CARS1: variants seen among roughly 807,000 people sequenced by gnomAD.
CARS1 encodes cysteinyl-tRNA synthetase 1, also known as cysteine--tRNA ligase, cytoplasmic.
A neutral mutation model predicts 106.2 loss-of-function variants in CARS1; 48 were observed. That is an observed-to-expected ratio of 0.45 (90% CI 0.36 to 0.57). The LOEUF is 0.57. Ranked by LOEUF, CARS1 falls within the 20% of genes least tolerant of loss-of-function variation. CARS1 has a pLI of 0.00. For missense variants in CARS1, 968 were observed against 1,057.2 expected, an observed-to-expected ratio of 0.92 and a Z score of 1.17; for synonymous variants, 409 against 403.4, an observed-to-expected ratio of 1.01 and a Z score of -0.17.
At chr11:3,056,158 G>A (rs910493584) in intron 1 of CARS1, among the ~76,000 whole-genome samples, 6 of 152,184 alleles carry the variant, frequency 3.9e-5, no homozygotes, top group Admixed American at 6.5e-5. Flanking sequence ...CAGATTACTC[G>A]GGTTGTCATA....
At position 3,040,135 on chromosome 11, in the gene CARS1, C is replaced by G; in HGVS notation, c.456-204G>C. ...GACCTTTATAATGATCCACTTCCAC[C>G]TAATGAATAGTAAATATATTGCCTC... On this transcript the variant is annotated intron_variant, in intron 4 of 22. Transcript: ENST00000380525. This position sits in a 1 kb window ranked among gnomAD's most constrained non-coding sequence, Gnocchi z 5.8. 2.0e-6 allele frequency: 1 copy of G among 508,072 alleles called. No individual in the cohort carries two copies. The highest frequency in any genetic ancestry group is 3.4e-6 in the Non-Finnish European group (1 of 290,434). 31.5% of individuals were successfully genotyped at this position (508,072 alleles called of 1,614,324 possible). A position where few individuals can be genotyped will look rare whatever the true frequency, so the allele number is the denominator to read the frequency against.
intron 18 of CARS1, 36 bp downstream of exon 18, chr11:3,012,159 G>T (rs367814896): frequency 1.2e-5 from 19 of 1,569,304 alleles, no homozygotes; most frequent in Non-Finnish European, 1.6e-5. Context: ...AGTGAGGGGA[G>T]TGGCTCCCAC....
At position 3,020,846 on chromosome 11, in the gene CARS1, T is replaced by C. The variant is rs1428589862; in HGVS notation, c.1154-514A>G. ...CTGTGTACTACTGCAGGGAACCTGG[T>C]GGCAGTGCAGTGGTGAAGGGGACAT... is the stretch of plus-strand genomic sequence containing the variant. On this transcript the variant is annotated intron_variant, in intron 10 of 22. Coordinates refer to ENST00000380525, the MANE Select transcript of CARS1 (RefSeq NM_001014437.3). The surrounding 1 kb of genome is among the most constrained non-coding windows in gnomAD (Gnocchi z 4.6). Among the ~76,000 whole-genome samples the C allele has an allele frequency of 1.3e-5, 2 of 152,156 alleles. No homozygotes were observed. Among genetic ancestry groups the C allele is most frequent in the East Asian group, 1.9e-4 (1 of 5,188 alleles).
rs1439705524 is a variant in CARS1, at chr11:3,001,431, CA to C, written c.2362-184del. ...ACTCATCTGGCAGTGCTGGCTCCAG[CA>C]GCTAAGAATGGGAGAGGGGCGACCA... On this transcript the variant is annotated intron_variant, in intron 22 of 22. Transcript: ENST00000380525. 2.0e-5 allele frequency among the ~76,000 whole-genome samples: 3 copies of C among 152,164 alleles called. No individual in the cohort carries two copies. The East Asian group carries it at 5.8e-4, about 29-fold the overall frequency.
At chr11:3,007,042 G>C (rs1191535929) in intron 18 of CARS1, 83 bp from the exon 19 acceptor site, 1 of 1,100,054 alleles carries the variant, frequency 9.1e-7, no homozygotes, top group African/African-American at 1.5e-5. Context: ...GCTGGGGAAG[G>C]AGGGGCCGTG....
rs1853325097 is a variant in CARS1, at chr11:3,034,491, GATTA to G, written c.801+3555_801+3558del. Among the ~76,000 whole-genome samples, 3 of 152,072 alleles carry G rather than the reference GATTA, an allele frequency of 2.0e-5. No homozygotes were observed. The highest frequency in any genetic ancestry group is 7.2e-5 in the African/African-American group (3 of 41,394). On this transcript the variant is annotated intron_variant, in intron 7 of 22. Transcript: ENST00000380525. This position sits in a 1 kb window ranked among gnomAD's most constrained non-coding sequence, Gnocchi z 6.3. ...CCGCCTCAGCCTCCCAAAGTGCTAGGATTACAGGCGTGACCCACTGCGCCTGGCC... is the reference window on the plus strand; with the variant it reads ...CCGCCTCAGCCTCCCAAAGTGCTAGGCAGGCGTGACCCACTGCGCCTGGCC...
chr11:3,005,631 A>ATTTT (rs5789288), intron 19 of CARS1, among the ~76,000 whole-genome samples, 198 bp from the exon 20 acceptor site: 2 of 132,476 alleles, frequency 1.5e-5, no homozygotes, highest in Admixed American at 7.7e-5. Context: ...TGTGTGTGTG[A>ATTTT]TTTTTTTTTT....
At chr11:3,054,950 A>C (rs1856051467) in intron 1 of CARS1, 7 of 702,528 alleles carry the variant, frequency 1.0e-5, no homozygotes, top group Non-Finnish European at 1.8e-5. Flanking sequence ...TCTACCCCAG[A>C]AACCTCAGAA....
chr11:3,011,372 G>A (rs551185621), intron 18 of CARS1, among the ~76,000 whole-genome samples: 30 of 152,162 alleles, frequency 2.0e-4, no homozygotes, highest in African/African-American at 6.5e-4. Flanking sequence ...TTGGGAGGCC[G>A]AGGCGGGTGG....
In CARS1 at chr11:3,017,844, G is replaced by T. The variant is rs1198761803; in HGVS notation, c.1727+13C>A. ...GCATGCTCAAAAACCCCAAAGAAAT[G>T]GCACCACCTTACTTCTTATTCAGTT... is the stretch of plus-strand genomic sequence containing the variant. On this transcript the variant is annotated intron_variant, in intron 15 of 22. Transcript: ENST00000380525. This position sits in a 1 kb window ranked among gnomAD's most constrained non-coding sequence, Gnocchi z 4.9. 1 of 1,577,524 alleles carries T rather than the reference G, an allele frequency of 6.3e-7. No homozygotes were observed. The highest frequency in any genetic ancestry group is 8.7e-7 in the Non-Finnish European group (1 of 1,147,498).
chr11:3,034,623 T>G lies in CARS1; in HGVS notation c.801+3427A>C, dbSNP rs1171993755. ...CGGCTCACTGCAACCTCTGACTCCCTGGTTCAAGGGATTCTCCCACCTCAG... is the reference window on the plus strand; with the variant it reads ...CGGCTCACTGCAACCTCTGACTCCCGGGTTCAAGGGATTCTCCCACCTCAG... On this transcript the variant is annotated intron_variant, in intron 7 of 22. Transcript: ENST00000380525. The surrounding 1 kb of genome is among the most constrained non-coding windows in gnomAD (Gnocchi z 6.3). 6.6e-6 allele frequency among the ~76,000 whole-genome samples: 1 copy of G among 151,844 alleles called. No homozygotes were observed. The highest frequency in any genetic ancestry group is 1.5e-5 in the Non-Finnish European group (1 of 67,940).
intron 17 of CARS1, among the ~76,000 whole-genome samples, chr11:3,013,600 C>T (rs1850710776): frequency 6.6e-6 from 1 of 151,984 alleles, no homozygotes; most frequent in Non-Finnish European, 1.5e-5. Context: ...ACTGTAATCC[C>T]AGCACTTTGG....
At chr11:3,018,102 ATTTC>A (rs1851221532) in intron 14 of CARS1, 148 bp from the exon 15 acceptor site, 2 of 631,342 alleles carry the variant, frequency 3.2e-6, no homozygotes, top group Non-Finnish European at 5.5e-6. Context: ...AGGAAAAGAT[ATTTC>A]TTTGACAGAA....
chr11:3,056,437 A>C (rs903499969), intron 1 of CARS1, among the ~76,000 whole-genome samples: 2 of 151,938 alleles, frequency 1.3e-5, no homozygotes, highest in Admixed American at 6.6e-5. Flanking sequence ...CAGTGAGAGA[A>C]GAACCCACTG....
At position 3,030,519 on chromosome 11, in the gene CARS1, G is replaced by A. The variant is rs1425988733; in HGVS notation, c.802-1076C>T. The A allele has an allele frequency of 6.6e-6, 1 of 152,230 alleles. No individual in the cohort carries two copies. Among genetic ancestry groups the A allele is most frequent in the Non-Finnish European group, 1.5e-5 (1 of 68,054 alleles). 9.4% of individuals were successfully genotyped at this position (152,230 alleles called of 1,614,324 possible). A position where few individuals can be genotyped will look rare whatever the true frequency, so the allele number is the denominator to read the frequency against. On this transcript the variant is annotated intron_variant, in intron 7 of 22. Coordinates refer to ENST00000380525, the MANE Select transcript of CARS1 (RefSeq NM_001014437.3). This position sits in a 1 kb window ranked among gnomAD's most constrained non-coding sequence, Gnocchi z 5.7. ...GTCTGCTGCCCGAAAAGCAAACACT[G>A]GGCCTGCCCCAAGTACAGGGAAACG...
At position 3,022,036 on chromosome 11, in the gene CARS1, C is replaced by T. The variant is rs1393174626; in HGVS notation, c.1154-1704G>A. On this transcript the variant is annotated intron_variant, in intron 10 of 22. Transcript: ENST00000380525. This position sits in a 1 kb window ranked among gnomAD's most constrained non-coding sequence, Gnocchi z 4.9. ...ACACCCTATCCTTCAGCAAACATCA[C>T]ACTGCAACTGCCCTCATAGGGTTAA... Among the ~76,000 whole-genome samples the T allele has an allele frequency of 6.6e-6, 1 of 152,176 alleles. No individual in the cohort carries two copies. Among genetic ancestry groups the T allele is most frequent in the Admixed American group, 6.5e-5 (1 of 15,282 alleles).
In CARS1 at chr11:3,038,215, G is replaced by A. The variant is rs1398772177; in HGVS notation, c.652-16C>T. ...CTGAAAATGGCTGCAACCATAAAGA[G>A]ACGTCAAATCTATTAGATACTGCTC... On this transcript the variant is annotated splice_polypyrimidine_tract_variant and intron_variant, in intron 6 of 22. Coordinates refer to ENST00000380525, the MANE Select transcript of CARS1 (RefSeq NM_001014437.3). This position sits in a 1 kb window ranked among gnomAD's most constrained non-coding sequence, Gnocchi z 4.0. 1.2e-6 allele frequency: 2 copies of A among 1,612,072 alleles called. No homozygotes were observed. The highest frequency in any genetic ancestry group is 1.7e-6 in the Non-Finnish European group (2 of 1,178,484).
At chr11:3,042,365 A>C (rs767489075) in intron 2 of CARS1, 109 bp from the exon 3 acceptor site, 5 of 701,384 alleles carry the variant, frequency 7.1e-6, no homozygotes, top group East Asian at 5.3e-5. Flanking sequence ...GTTTTCCATG[A>C]AATTTAAACA....
Position 3,017,228 on chromosome 11 carries a change from C to T in CARS1, c.1795G>A (p.Glu599Lys). ...CDNVDTRTVM[E>K]EMRALVSQCN... ...TGACTGACCAAGGCCCGCATCTCTTCCATGACGGTGCGGGTGTCAACATTG... is the reference window on the plus strand; with the variant it reads ...TGACTGACCAAGGCCCGCATCTCTTTCATGACGGTGCGGGTGTCAACATTG... Residue 599 changes from glutamate to lysine, a missense_variant, in exon 16 of 23, where the codon GAA becomes AAA. Transcript: ENST00000380525. The surrounding 1 kb of genome is among the most constrained non-coding windows in gnomAD (Gnocchi z 4.9). 3 of 1,614,170 alleles carry T rather than the reference C, an allele frequency of 1.9e-6. No homozygotes were observed. The highest frequency in any genetic ancestry group is 2.5e-6 in the Non-Finnish European group (3 of 1,179,986).
Sources: allele counts gnomAD v4.1 joint callset (sites outside exome capture counted in the v4.1 genomes callset), GRCh38; gene constraint gnomAD v4.1.1; non-coding constraint Gnocchi (gnomAD v3.1); transcripts MANE v1.5; gene names NCBI Gene and HGNC (gene_info 2026-07-23, HGNC 2026-07-21).